DAAM1: variants seen among roughly 807,000 people sequenced by gnomAD.
The protein encoded by DAAM1 is dishevelled associated activator of morphogenesis 1.
Under a neutral mutation model 130.0 loss-of-function variants are expected in DAAM1, and 52 were observed. The ratio of observed to expected loss-of-function variants is 0.40; its 90% CI spans 0.32 to 0.50. The LOEUF (loss-of-function observed/expected upper bound fraction) is 0.50, where lower values mean the gene tolerates loss of function less well. DAAM1 is among the 20% of genes least tolerant of loss of function. The pLI, the probability that DAAM1 is intolerant of heterozygous loss-of-function variation, is 0.61. For synonymous variants in DAAM1, 452 were observed against 444.5 expected (o/e 1.02, Z -0.21); for missense variants, 1,134 against 1,303.8 (o/e 0.87, Z 2.01).
intron 3 of DAAM1, among the ~76,000 whole-genome samples, chr14:59,313,732 G>A (rs1884680639): frequency 6.6e-6 from 1 of 152,216 alleles, no homozygotes; most frequent in Admixed American, 6.5e-5. Context: ...TCCCTTTTAA[G>A]AGGAAAGAAG....
At chr14:59,285,672 A>G (rs1487385654) in intron 2 of DAAM1, among the ~76,000 whole-genome samples, 1 of 152,156 alleles carries the variant, frequency 6.6e-6, no homozygotes, top group Admixed American at 6.6e-5. Context: ...CAAAAAGGAC[A>G]AAGAAAGGCA....
intron 19 of DAAM1, among the ~76,000 whole-genome samples, chr14:59,354,481 GCTC>G (rs1251309670): frequency 6.6e-6 from 1 of 152,166 alleles, no homozygotes; most frequent in African/African-American, 2.4e-5. Flanking sequence ...CGCCTCCTGG[GCTC>G]CTCTACAGGG....
intron 1 of DAAM1, among the ~76,000 whole-genome samples, chr14:59,191,519 G>A (rs1182637544): frequency 1.3e-5 from 2 of 152,044 alleles, no homozygotes; most frequent in East Asian, 1.9e-4. Flanking sequence ...GTCATCCGTG[G>A]TAATATTCCC....
intron 3 of DAAM1, among the ~76,000 whole-genome samples, chr14:59,300,374 A>G (rs2139580896): frequency 1.3e-5 from 2 of 152,328 alleles, no homozygotes; most frequent in South Asian, 4.1e-4. Context: ...AAAGATAATA[A>G]AATAACGTTT....
intron 2 of DAAM1, among the ~76,000 whole-genome samples, chr14:59,279,042 C>A (rs1393111818): frequency 6.6e-6 from 1 of 152,086 alleles, no homozygotes; most frequent in Non-Finnish European, 1.5e-5. Flanking sequence ...AACAAGCAGG[C>A]TTGATTTTTT....
intron 1 of DAAM1, among the ~76,000 whole-genome samples, chr14:59,218,294 C>G (rs1271215804): frequency 6.6e-6 from 1 of 152,126 alleles, no homozygotes; most frequent in African/African-American, 2.4e-5. Flanking sequence ...TGACTGTAAA[C>G]TTTTTTCTGC....
intron 3 of DAAM1, among the ~76,000 whole-genome samples, chr14:59,311,205 A>T (rs142822715): frequency 1.5e-4 from 23 of 152,360 alleles, no homozygotes; most frequent in Middle Eastern, 3.4e-3. Context: ...AAATTTTAGC[A>T]TGCTTTGGGT....
At chr14:59,234,706 G>A (rs987134393) in intron 1 of DAAM1, among the ~76,000 whole-genome samples, 1 of 152,148 alleles carries the variant, frequency 6.6e-6, no homozygotes, top group African/African-American at 2.4e-5. Flanking sequence ...TCTTGTGCTG[G>A]TTTTCAAAGG....
intron 3 of DAAM1, among the ~76,000 whole-genome samples, chr14:59,313,580 T>C (rs1394940097): frequency 6.6e-6 from 1 of 152,216 alleles, no homozygotes; most frequent in Non-Finnish European, 1.5e-5. Context: ...GATTTTGTTT[T>C]AGTTTTGGAA....
chr14:59,214,707 A>G (rs1349253709), intron 1 of DAAM1, among the ~76,000 whole-genome samples: 1 of 152,206 alleles, frequency 6.6e-6, no homozygotes, highest in Non-Finnish European at 1.5e-5. Flanking sequence ...TTGCAAAATA[A>G]TATTCTGTTT....
chr14:59,263,382 T>C, intron 1 of DAAM1, 59 bp from the exon 2 acceptor site: 1 of 1,491,598 alleles, frequency 6.7e-7, no homozygotes, highest in Non-Finnish European at 9.2e-7. Flanking sequence ...GGTCTGGCCT[T>C]TTAAAAATCA....
At position 59,368,746 on chromosome 14, in the gene DAAM1, T is replaced by A; in HGVS notation, c.3094T>A (p.Ser1032Thr). 1 of 1,614,006 alleles carries A rather than the reference T, an allele frequency of 6.2e-7. No individual in the cohort carries two copies. Among genetic ancestry groups the A allele is most frequent in the Non-Finnish European group, 8.5e-7 (1 of 1,179,942 alleles). ...EFDDLVSALR[S>T]GEVFDKDLSK... Reference sequence around the variant, plus strand: ...TGATGACCTTGTTTCAGCTTTACGCTCAGGAGAAGTGTTTGACAAAGACCT... The same window carrying A: ...TGATGACCTTGTTTCAGCTTTACGCACAGGAGAAGTGTTTGACAAAGACCT... Residue 1032 changes from serine (S) to threonine (T), a missense_variant, in exon 25 of 25, where the codon TCA becomes ACA. By Grantham distance (58) the Ser-to-Thr change is moderately conservative. Transcript: ENST00000360909.
rs869233694 is a variant in DAAM1 at position 59,225,019 on chromosome 14, G to GTTT, written c.-38+36276_-38+36278dup. ...GACTGTAAGAAATAAATCTGTGTGG[G>GTTT]TTTTTTTTTTTTTTTTTTTTTTTTT... On this transcript the variant is annotated intron_variant, in intron 1 of 24. Transcript: ENST00000360909. Among the ~76,000 whole-genome samples the GTTT allele has an allele frequency of 3.0e-3, 276 of 90,786 alleles. 34 individuals carry two copies. The highest frequency in any genetic ancestry group is 9.8e-3 in the African/African-American group (211 of 21,442). The allele number at this position is 90,786 out of a possible 152,430, so 59.6% of individuals were successfully genotyped here. A position where few individuals can be genotyped will look rare whatever the true frequency, so the allele number is the denominator to read the frequency against.
intron 4 of DAAM1, among the ~76,000 whole-genome samples, chr14:59,318,146 A>G (rs1265562023): frequency 6.6e-6 from 1 of 151,908 alleles, no homozygotes; most frequent in African/African-American, 2.4e-5. Flanking sequence ...GTGGCCTAAC[A>G]TCTAGAAGGA....
rs777718178 is a variant in DAAM1 at position 59,347,545 on chromosome 14, A to G, written c.2082A>G (p.Lys694=). Reference sequence around the variant, plus strand: ...CAAAATATTCTTTCTCCAGGTTGAAATTATCCAATGACGAAATCAAACGGG... The same window carrying G: ...CAAAATATTCTTTCTCCAGGTTGAAGTTATCCAATGACGAAATCAAACGGG... ...QNCNILLSRL[K]LSNDEIKRAI... is the part of the protein sequence containing the mutation. Residue 694 remains lysine (K), a synonymous_variant, in exon 17 of 25, where the codon AAA becomes AAG. Coordinates refer to ENST00000360909, the MANE Select transcript of DAAM1 (RefSeq NM_001270520.2). The G allele has an allele frequency of 1.6e-5, 26 of 1,613,512 alleles. No homozygotes were observed. The highest frequency in any genetic ancestry group is 1.4e-5 in the Non-Finnish European group (16 of 1,179,696).
At chr14:59,226,655 T>C (rs1888952489) in intron 1 of DAAM1, among the ~76,000 whole-genome samples, 1 of 152,198 alleles carries the variant, frequency 6.6e-6, no homozygotes, top group South Asian at 2.1e-4. Context: ...AGTAGGATTC[T>C]CAGTTGTCTG....
intron 4 of DAAM1, 88 bp from the exon 5 acceptor site, chr14:59,320,402 T>C (rs1884960300): frequency 1.0e-6 from 1 of 979,154 alleles, no homozygotes; most frequent in Admixed American, 2.9e-5. Context: ...TTTAAAGTGA[T>C]AGTGACAAAT....
At chr14:59,347,512 G>T in intron 16 of DAAM1, 27 bp from the exon 17 acceptor site, 1 of 1,602,818 alleles carries the variant, frequency 6.2e-7, no homozygotes, top group Non-Finnish European at 8.5e-7. Context: ...AACCAATATG[G>T]TTAATAACAA....
At chr14:59,233,218 T>G (rs1298567409) in intron 1 of DAAM1, among the ~76,000 whole-genome samples, 1 of 152,182 alleles carries the variant, frequency 6.6e-6, no homozygotes, top group Non-Finnish European at 1.5e-5. Flanking sequence ...CACCATGCTT[T>G]ATTCCACAAT....
Sources: gnomAD v4.1 joint callset for allele counts (sites outside exome capture counted in the v4.1 genomes callset) on GRCh38, gnomAD v4.1.1 for gene constraint, MANE v1.5 for transcripts, NCBI Gene and HGNC (gene_info 2026-07-23, HGNC 2026-07-21) for gene names.